Variants in PLOD1 observed in about 807,000 individuals in gnomAD.
PLOD1 encodes the protein procollagen-lysine,2-oxoglutarate 5-dioxygenase 1.
A neutral mutation model predicts 94.7 loss-of-function variants in PLOD1; 70 were observed. The observed-to-expected ratio is 0.74, with a 90% CI of 0.61 to 0.90. The LOEUF (loss-of-function observed/expected upper bound fraction) is 0.90, where lower values mean the gene tolerates loss of function less well. PLOD1 is among the 40% of genes least tolerant of loss of function. The pLI is 0.00. For synonymous variants in PLOD1, 417 were observed against 400.2 expected (o/e 1.04, Z -0.50); for missense variants, 905 against 972.7 (o/e 0.93, Z 0.93).
rs956878117 is a variant in PLOD1, at chr1:11,972,767, G to T, written c.1903-105G>T. 7 of 1,308,330 alleles carry T rather than the reference G, an allele frequency of 5.4e-6. No homozygotes were observed. In the Admixed American group the frequency reaches 1.0e-4, roughly 19 times the overall value. 81.0% of individuals were successfully genotyped at this position (1,308,330 alleles called of 1,614,324 possible). A position where few individuals can be genotyped will look rare whatever the true frequency, so the allele number is the denominator to read the frequency against. On this transcript the variant is annotated intron_variant, in intron 17 of 18. Transcript: ENST00000196061. This position sits in a 1 kb window ranked among gnomAD's most constrained non-coding sequence, Gnocchi z 4.6. Reference sequence around the variant, plus strand: ...CATGTAGACCTGGCCCCTGTAAGCTGACCTGCAGCAGGCCAGACCAGGCCC... The same window carrying T: ...CATGTAGACCTGGCCCCTGTAAGCTTACCTGCAGCAGGCCAGACCAGGCCC...
At chr1:11,961,213 A>G (rs533665610) in intron 10 of PLOD1, among the ~76,000 whole-genome samples, 1 of 127,914 alleles carries the variant, frequency 7.8e-6, no homozygotes, top group African/African-American at 3.3e-5. Flanking sequence ...GCGAGACCCT[A>G]TCTCTTCAAA....
intron 4 of PLOD1, 113 bp downstream of exon 4, chr1:11,950,633 A>G (rs1645694548): frequency 3.3e-6 from 3 of 911,622 alleles, no homozygotes; most frequent in Middle Eastern, 3.3e-4. Flanking sequence ...TCTCCAGTGC[A>G]GAATGTCCTG....
Position 11,948,011 on chromosome 1 carries a change from A to G in PLOD1, c.112A>G (p.Thr38Ala). 6.2e-7 allele frequency: 1 copy of G among 1,613,840 alleles called. No individual in the cohort carries two copies. The highest frequency in any genetic ancestry group is 8.5e-7 in the Non-Finnish European group (1 of 1,179,790). The part of the protein sequence containing the change: ...LLVLTVATKE[T>A]EGFRRFKRSA... ...AGTCCTCACGGTGGCCACTAAGGAG[A>G]CCGAGGGATTCCGTCGCTTCAAGCG... is the stretch of plus-strand genomic sequence containing the variant. The change falls in exon 2 of 19, where the codon ACC becomes GCC. Residue 38 changes from threonine to alanine, a missense_variant. Coordinates refer to ENST00000196061, the MANE Select transcript of PLOD1 (RefSeq NM_000302.4).
chr1:11,958,429 C>T lies in PLOD1; in HGVS notation c.844-87C>T. On this transcript the variant is annotated intron_variant, in intron 8 of 18. Transcript: ENST00000196061. This position sits in a 1 kb window ranked among gnomAD's most constrained non-coding sequence, Gnocchi z 4.3. ...GAAGTCTACATGCTTCTGATTCTGGCTCTGACTCCCTTGGGCCACCCTGGG... is the reference window on the plus strand; with the variant it reads ...GAAGTCTACATGCTTCTGATTCTGGTTCTGACTCCCTTGGGCCACCCTGGG... 2 of 1,471,876 alleles carry T rather than the reference C, an allele frequency of 1.4e-6. No individual in the cohort carries two copies. Among genetic ancestry groups the T allele is most frequent in the East Asian group, 2.3e-5 (1 of 43,068 alleles). 91.2% of individuals were successfully genotyped at this position (1,471,876 alleles called of 1,614,324 possible).
Position 11,974,890 on chromosome 1 carries a change from G to A in PLOD1, c.*82G>A. On this transcript the variant is annotated 3_prime_UTR_variant, in exon 19 of 19. Coordinates refer to ENST00000196061, the MANE Select transcript of PLOD1 (RefSeq NM_000302.4). ...AGCCTCTGGGACCTCGGGGTCCCAGGGAACCCAGTCCAGCCTCCTGGCTGT... is the reference window on the plus strand; with the variant it reads ...AGCCTCTGGGACCTCGGGGTCCCAGAGAACCCAGTCCAGCCTCCTGGCTGT... The A allele has an allele frequency of 5.1e-6, 7 of 1,375,162 alleles. No homozygotes were observed. Among genetic ancestry groups the A allele is most frequent in the Admixed American group, 1.7e-5 (1 of 59,656 alleles). The allele number at this position is 1,375,162 out of a possible 1,614,324, so 85.2% of individuals were successfully genotyped here.
Position 11,957,796 on chromosome 1 carries a change from A to G in PLOD1, c.742-46A>G, listed in dbSNP as rs2100751309. On this transcript the variant is annotated intron_variant, in intron 7 of 18. Transcript: ENST00000196061. This position sits in a 1 kb window ranked among gnomAD's most constrained non-coding sequence, Gnocchi z 4.1. ...GGGAGATGTGAGTCAGGGCTATGGC[A>G]GGTGGGGCTGGCTGGCTTCTCTGTG... 1.5e-6 allele frequency: 2 copies of G among 1,297,256 alleles called. No homozygotes were observed. Among genetic ancestry groups the G allele is most frequent in the Non-Finnish European group, 2.2e-6 (2 of 890,730 alleles). The allele number at this position is 1,297,256 out of a possible 1,614,324, so 80.4% of individuals were successfully genotyped here.
chr1:11,964,500 C>T, intron 12 of PLOD1, 144 bp from the exon 13 acceptor site: 1 of 932,610 alleles, frequency 1.1e-6, no homozygotes, highest in South Asian at 1.4e-5. Flanking sequence ...GGAATCAAAT[C>T]AGCACAATTG....
intron 2 of PLOD1, among the ~76,000 whole-genome samples, chr1:11,949,386 A>G (rs541192945): frequency 6.6e-6 from 1 of 152,198 alleles, no homozygotes; most frequent in East Asian, 1.9e-4. Flanking sequence ...GGGGAGGGTC[A>G]GAGTTGCTGG....
At chr1:11,945,531 G>T (rs1308974124) in intron 1 of PLOD1, among the ~76,000 whole-genome samples, 1 of 151,916 alleles carries the variant, frequency 6.6e-6, no homozygotes, top group Non-Finnish European at 1.5e-5. Context: ...ATGGTCCCTT[G>T]CATGATCCCT....
rs776366598 is a variant in PLOD1, at chr1:11,956,999, C to T, written c.726C>T (p.Gly242=). The change falls in exon 7 of 19, where the codon GGC becomes GGT. Residue 242 remains glycine, a synonymous_variant. Coordinates refer to ENST00000196061, the MANE Select transcript of PLOD1 (RefSeq NM_000302.4). ...AYDTLPVLIH[G]NGPTKLQLNY... is the part of the protein sequence containing the mutation. Reference sequence around the variant, plus strand: ...ACACCCTCCCGGTCCTGATCCATGGCAACGGGCCAACCAAGGTAGGGGGTC... The same window carrying T: ...ACACCCTCCCGGTCCTGATCCATGGTAACGGGCCAACCAAGGTAGGGGGTC... 2.5e-5 allele frequency: 41 copies of T among 1,611,466 alleles called. No homozygotes were observed. In the South Asian group the frequency reaches 4.4e-4, roughly 17 times the overall value.
intron 16 of PLOD1, among the ~76,000 whole-genome samples, chr1:11,969,675 T>G (rs1039993701): frequency 6.6e-6 from 1 of 152,162 alleles, no homozygotes; most frequent in Non-Finnish European, 1.5e-5. Context: ...GTCATTGAGG[T>G]GTCAGCTGGG....
At chr1:11,939,544 C>T (rs1486387938) in intron 1 of PLOD1, among the ~76,000 whole-genome samples, 2 of 152,162 alleles carry the variant, frequency 1.3e-5, no homozygotes, top group Admixed American at 6.6e-5. Context: ...AGGTCCCATT[C>T]TTCCAGGAGC....
Position 11,950,497 on chromosome 1 carries a change from G to A in PLOD1, c.443G>A (p.Gly148Asp). Residue 148 changes from glycine (G) to aspartate (D), a missense_variant, in exon 4 of 19, where the codon GGC becomes GAC. Coordinates refer to ENST00000196061, the MANE Select transcript of PLOD1 (RefSeq NM_000302.4). ...LETKYPVVSD[G>D]KRFLGSGGFI... is the part of the protein sequence containing the mutation. ...ACCAAGTATCCGGTGGTGTCCGATG[G>A]CAAGAGGTTCCTGGGCTCTGGAGGT... 3 of 1,614,066 alleles carry A rather than the reference G, an allele frequency of 1.9e-6. No individual in the cohort carries two copies. The highest frequency in any genetic ancestry group is 2.5e-6 in the Non-Finnish European group (3 of 1,180,002).
In PLOD1 at chr1:11,958,032, T is replaced by C. The variant is rs1645751684; in HGVS notation, c.843+89T>C. 2.2e-6 allele frequency: 2 copies of C among 917,786 alleles called. No individual in the cohort carries two copies. The highest frequency in any genetic ancestry group is 3.6e-6 in the Non-Finnish European group (2 of 550,978). The allele number at this position is 917,786 out of a possible 1,614,324, so 56.9% of individuals were successfully genotyped here. ...ATGGGTGATTCTGGAATAGACTCCATTGTCTTTGGTGGAAAGTGAAGGGGT... is the reference window on the plus strand; with the variant it reads ...ATGGGTGATTCTGGAATAGACTCCACTGTCTTTGGTGGAAAGTGAAGGGGT... On this transcript the variant is annotated intron_variant, in intron 8 of 18. Transcript: ENST00000196061. The surrounding 1 kb of genome is among the most constrained non-coding windows in gnomAD (Gnocchi z 4.3).
rs1645568621 is a variant in PLOD1 at position 11,934,988 on chromosome 1, T to A, written c.76+133T>A. 4.1e-5 allele frequency: 47 copies of A among 1,150,408 alleles called. 1 individual carries two copies. In the South Asian group the frequency reaches 7.2e-4, roughly 18 times the overall value. The allele number at this position is 1,150,408 out of a possible 1,614,324, so 71.3% of individuals were successfully genotyped here. A position where few individuals can be genotyped will look rare whatever the true frequency, so the allele number is the denominator to read the frequency against. ...GTCTGGGTTCCGGCTCCTTGTCCAC[T>A]TAATCGCTGGTGACTTGAACAAATC... On this transcript the variant is annotated intron_variant, in intron 1 of 18. Transcript: ENST00000196061.
At chr1:11,950,651 CTCCTG>C in intron 4 of PLOD1, 131 bp downstream of exon 4, 2 of 767,114 alleles carry the variant, frequency 2.6e-6, no homozygotes, top group Non-Finnish European at 4.3e-6. Flanking sequence ...CTGAATAGAG[CTCCTG>C]ACTTTTCAAC....
At position 11,975,342 on chromosome 1, in the gene PLOD1, C is replaced by T. The variant is rs1304364193; in HGVS notation, c.*534C>T. 4.7e-6 allele frequency: 1 copy of T among 213,238 alleles called. No homozygotes were observed. Among genetic ancestry groups the T allele is most frequent in the Non-Finnish European group, 9.6e-6 (1 of 104,652 alleles). The allele number at this position is 213,238 out of a possible 1,614,324, so 13.2% of individuals were successfully genotyped here. ...CTGGTCATGAGAGCAAACCGTAGTC[C>T]CCTGGAGACAGCGACTCCAGAGAAC... On this transcript the variant is annotated 3_prime_UTR_variant, in exon 19 of 19. Transcript: ENST00000196061.
intron 18 of PLOD1, among the ~76,000 whole-genome samples, chr1:11,974,351 T>A (rs1475311057): frequency 6.6e-6 from 1 of 151,990 alleles, no homozygotes; most frequent in Non-Finnish European, 1.5e-5. Context: ...CCCAGCTGGT[T>A]TTTGTATTTT....
At position 11,972,163 on chromosome 1, in the gene PLOD1, C is replaced by T. The variant is rs1645869524; in HGVS notation, c.1903-709C>T. The T allele has an allele frequency of 6.5e-6, 1 of 153,140 alleles. No individual in the cohort carries two copies. The highest frequency in any genetic ancestry group is 2.4e-5 in the African/African-American group (1 of 41,450). The allele number at this position is 153,140 out of a possible 1,614,324, so 9.5% of individuals were successfully genotyped here. On this transcript the variant is annotated intron_variant, in intron 17 of 18. Transcript: ENST00000196061. The surrounding 1 kb of genome is among the most constrained non-coding windows in gnomAD (Gnocchi z 4.6). ...ATTGGATGCCCCCCTTTGTCTTTGT[C>T]TTTTCATTCATTCCTTCGTTCCTTT...
Sources: allele counts gnomAD v4.1 joint callset (sites outside exome capture counted in the v4.1 genomes callset), GRCh38; gene constraint gnomAD v4.1.1; non-coding constraint Gnocchi (gnomAD v3.1); transcripts MANE v1.5; gene names NCBI Gene and HGNC (gene_info 2026-07-23, HGNC 2026-07-21).